PLCL1: variants seen among roughly 807,000 people sequenced by gnomAD.
The protein encoded by PLCL1 is inactive phospholipase C-like protein 1.
In PLCL1, 41 loss-of-function variants were observed where a neutral mutation model predicts 84.4. The observed-to-expected ratio is 0.49, with a 90% CI of 0.38 to 0.63. The LOEUF (loss-of-function observed/expected upper bound fraction) is 0.63. Ranked by LOEUF, PLCL1 falls within the 30% of genes least tolerant of loss-of-function variation. The pLI, the probability that PLCL1 is intolerant of heterozygous loss-of-function variation, is 0.00. For synonymous variants in PLCL1, 490 were observed against 488.3 expected, an observed-to-expected ratio of 1.00 and a Z score of -0.05; for missense variants, 1,206 against 1,367.8, an observed-to-expected ratio of 0.88 and a Z score of 1.87.
chr2:197,822,640 G>A (rs976147668), intron 1 of PLCL1, among the ~76,000 whole-genome samples: 1 of 152,176 alleles, frequency 6.6e-6, no homozygotes, highest in Non-Finnish European at 1.5e-5. Flanking sequence ...GGAAGTTGCA[G>A]CACAGACAGG....
chr2:198,010,953 G>A (rs1177973509), intron 1 of PLCL1, among the ~76,000 whole-genome samples: 5 of 151,514 alleles, frequency 3.3e-5, no homozygotes, highest in East Asian at 3.9e-4. Flanking sequence ...TTATTGCTGT[G>A]ACATCAGTGG....
intron 3 of PLCL1, among the ~76,000 whole-genome samples, chr2:198,100,842 G>A (rs1693314531): frequency 6.6e-6 from 1 of 151,840 alleles, no homozygotes; most frequent in Non-Finnish European, 1.5e-5. Flanking sequence ...ATAAAATGGA[G>A]CAGATAATAT....
At chr2:198,078,234 A>G (rs1692627791) in intron 1 of PLCL1, among the ~76,000 whole-genome samples, 1 of 152,196 alleles carries the variant, frequency 6.6e-6, no homozygotes, top group African/African-American at 2.4e-5. Context: ...GTCACAGAGT[A>G]GGTACCTATT....
intron 1 of PLCL1, among the ~76,000 whole-genome samples, chr2:197,940,214 T>C (rs370837756): frequency 6.6e-6 from 1 of 152,372 alleles, no homozygotes; most frequent in African/African-American, 2.4e-5. Context: ...TAAGGTGTTA[T>C]GTTTCAAATC....
intron 5 of PLCL1, among the ~76,000 whole-genome samples, chr2:198,117,344 T>TG (rs948240238): frequency 1.9e-4 from 29 of 151,200 alleles, no homozygotes; most frequent in Non-Finnish European, 7.4e-5. Context: ...TTTTCTTTTT[T>TG]TTTTTCAGAT....
intron 1 of PLCL1, among the ~76,000 whole-genome samples, chr2:198,000,367 G>A (rs1343800469): frequency 1.3e-5 from 2 of 152,104 alleles, no homozygotes; most frequent in Admixed American, 6.6e-5. Flanking sequence ...GAGGTTTGGG[G>A]TACAAATGAT....
At position 198,008,450 on chromosome 2, in the gene PLCL1, A is replaced by G. The variant is rs150281942; in HGVS notation, c.241-75308A>G. ...ACTTTAGATACTTCATATGAATGGAATCATACAGTGTTTGTCATTTTGTGA... is the reference window on the plus strand; with the variant it reads ...ACTTTAGATACTTCATATGAATGGAGTCATACAGTGTTTGTCATTTTGTGA... On this transcript the variant is annotated intron_variant, in intron 1 of 5. Transcript: ENST00000428675. 2.1e-4 allele frequency among the ~76,000 whole-genome samples: 32 copies of G among 152,184 alleles called. 1 individual carries two copies. Among genetic ancestry groups the G allele is most frequent in the African/African-American group, 7.7e-4 (32 of 41,562 alleles).
intron 1 of PLCL1, among the ~76,000 whole-genome samples, chr2:197,982,919 G>A (rs1301103085): frequency 6.6e-6 from 1 of 152,034 alleles, no homozygotes; most frequent in African/African-American, 2.4e-5. Context: ...ACTTTTATTT[G>A]TCTAACATTT....
At chr2:197,978,594 A>G (rs1690036335) in intron 1 of PLCL1, among the ~76,000 whole-genome samples, 1 of 152,272 alleles carries the variant, frequency 6.6e-6, no homozygotes, top group Non-Finnish European at 1.5e-5. Context: ...AACATTAAAC[A>G]TTAAAATAAA....
intron 1 of PLCL1, among the ~76,000 whole-genome samples, chr2:197,838,863 C>T (rs1289769849): frequency 6.6e-6 from 1 of 152,202 alleles, no homozygotes; most frequent in Non-Finnish European, 1.5e-5. Context: ...AATTTTCTCT[C>T]TGATTTATCT....
intron 1 of PLCL1, among the ~76,000 whole-genome samples, chr2:198,060,787 T>G (rs769790708): frequency 7.2e-5 from 11 of 152,236 alleles, no homozygotes; most frequent in Non-Finnish European, 1.5e-4. Context: ...TGATTTTTTT[T>G]GTTATAAAAT....
chr2:197,910,311 A>G (rs1251979372), intron 1 of PLCL1, among the ~76,000 whole-genome samples: 2 of 152,222 alleles, frequency 1.3e-5, no homozygotes, highest in Non-Finnish European at 2.9e-5. Context: ...CATCTTCTGT[A>G]AAACTGTACC....
intron 1 of PLCL1, among the ~76,000 whole-genome samples, chr2:197,977,091 C>T (rs1689998262): frequency 6.6e-6 from 1 of 152,158 alleles, no homozygotes; most frequent in South Asian, 2.1e-4. Flanking sequence ...CTAGGTATCA[C>T]CATCTGATTT....
At chr2:197,862,553 G>A (rs192217252) in intron 1 of PLCL1, among the ~76,000 whole-genome samples, 1 of 152,272 alleles carries the variant, frequency 6.6e-6, no homozygotes, top group Admixed American at 6.5e-5. Flanking sequence ...GGGGCCTGAG[G>A]AGGTAATGAA....
chr2:197,826,620 T>A (rs1690933943), intron 1 of PLCL1, among the ~76,000 whole-genome samples: 1 of 152,202 alleles, frequency 6.6e-6, no homozygotes, highest in Admixed American at 6.5e-5. Flanking sequence ...AATGACCGAT[T>A]CGTTCATTCA....
intron 1 of PLCL1, among the ~76,000 whole-genome samples, chr2:197,946,811 C>T (rs1361302090): frequency 2.6e-5 from 4 of 152,162 alleles, no homozygotes; most frequent in African/African-American, 9.6e-5. Flanking sequence ...TCATATGAGC[C>T]AAGCATGTTC....
chr2:197,810,921 T>C lies in PLCL1; in HGVS notation c.240+5582T>C, dbSNP rs560373432. On this transcript the variant is annotated intron_variant, in intron 1 of 5. Transcript: ENST00000428675. ...GACCAGACAGAGCTAAGAGGCAGGA[T>C]CTCAGCAACAGTAAATGAGCCATTG... Among the ~76,000 whole-genome samples, 5 of 152,262 alleles carry C rather than the reference T, an allele frequency of 3.3e-5. 1 individual carries two copies. In the South Asian group the frequency reaches 1.0e-3, roughly 32 times the overall value.
chr2:197,870,317 T>C (rs1687627588), intron 1 of PLCL1, among the ~76,000 whole-genome samples: 1 of 152,168 alleles, frequency 6.6e-6, no homozygotes, highest in Non-Finnish European at 1.5e-5. Flanking sequence ...CAGGTACATG[T>C]AGGCTCCAAA....
intron 1 of PLCL1, among the ~76,000 whole-genome samples, chr2:197,822,649 G>A (rs918954251): frequency 5.3e-5 from 8 of 152,168 alleles, no homozygotes; most frequent in Admixed American, 5.2e-4. Flanking sequence ...AGCACAGACA[G>A]GTTAAGTATT....
Sources: allele counts gnomAD v4.1 joint callset (sites outside exome capture counted in the v4.1 genomes callset), GRCh38; gene constraint gnomAD v4.1.1; transcripts MANE v1.5; gene names NCBI Gene and HGNC (gene_info 2026-07-23, HGNC 2026-07-21).